MYOT: variants seen among roughly 807,000 people sequenced by gnomAD.
MYOT encodes 57 kDa cytoskeletal protein.
In MYOT, 36 loss-of-function variants were observed where a neutral mutation model predicts 58.0. That is an observed-to-expected ratio of 0.62 (90% confidence interval 0.48 to 0.82). The LOEUF (loss-of-function observed/expected upper bound fraction) is 0.82, where lower values mean the gene tolerates loss of function less well. Ranked by LOEUF, MYOT falls within the 40% of genes least tolerant of loss-of-function variation. The pLI, the probability that MYOT is intolerant of heterozygous loss-of-function variation, is 0.00. For synonymous variants in MYOT, 218 were observed against 204.6 expected (o/e 1.07, Z -0.56); for missense variants, 505 against 592.1 (o/e 0.85, Z 1.53).
chr5:137,874,542 A>G (rs1755150706), intron 2 of MYOT, among the ~76,000 whole-genome samples: 1 of 152,220 alleles, frequency 6.6e-6, no homozygotes, highest in Non-Finnish European at 1.5e-5. Context: ...TAAAAACTGA[A>G]TAAAGCACTG....
At position 137,887,257 on chromosome 5, in the gene MYOT, C is replaced by T; in HGVS notation, c.1369C>T (p.Arg457Ter). The change falls in exon 10 of 10, where the codon CGA becomes TGA. Residue 457 changes from arginine (R) to a stop codon, truncating the protein, a stop_gained. Coordinates refer to ENST00000239926, the MANE Select transcript of MYOT (RefSeq NM_006790.3). LOFTEE classifies it high-confidence loss of function. The stretch of plus-strand genomic sequence containing the variant: ...TCCAGCTCCTAAGCAGTTACGGGTT[C>T]GACCAACATTCAGCAAATATTTAGC... ...TLPAPKQLRV[R>*]PTFSKYLALN... The T allele has an allele frequency of 1.9e-6, 3 of 1,613,988 alleles. No individual in the cohort carries two copies. Among genetic ancestry groups the T allele is most frequent in the Admixed American group, 1.7e-5 (1 of 60,012 alleles).
chr5:137,873,975 G>C (rs1038877252), intron 2 of MYOT, among the ~76,000 whole-genome samples: 2 of 152,132 alleles, frequency 1.3e-5, no homozygotes, highest in Non-Finnish European at 2.9e-5. Flanking sequence ...TAAAACTCTG[G>C]CCCTACTTGG....
At position 137,870,190 on chromosome 5, in the gene MYOT, T is replaced by C. The variant is rs1392740188; in HGVS notation, c.-211-251T>C. 6.6e-5 allele frequency among the ~76,000 whole-genome samples: 10 copies of C among 150,796 alleles called. No homozygotes were observed. In the East Asian group the frequency reaches 7.7e-4, roughly 12 times the overall value. On this transcript the variant is annotated intron_variant, in intron 1 of 9. Transcript: ENST00000239926. ...AATTAGCCAGGCGTGGTGGCTTATA[T>C]GTGTAGTCCTTACTCTGGAGGGTGC...
intron 6 of MYOT, chr5:137,883,107 TA>T (rs1450026922): frequency 7.7e-6 from 3 of 389,186 alleles, no homozygotes; most frequent in Non-Finnish European, 1.4e-5. Context: ...TAACATAAAT[TA>T]ATGTTCTAAA....
intron 5 of MYOT, 122 bp downstream of exon 5, chr5:137,880,987 T>C (rs1337884381): frequency 1.4e-6 from 1 of 731,940 alleles, no homozygotes; most frequent in Non-Finnish European, 2.3e-6. Context: ...ACAATGTGTA[T>C]TTTCTAATGT....
chr5:137,869,796 C>T (rs546429286), intron 1 of MYOT, among the ~76,000 whole-genome samples: 1 of 151,858 alleles, frequency 6.6e-6, no homozygotes, highest in Admixed American at 6.6e-5. Flanking sequence ...CTAAAAATAA[C>T]AGAATTATAA....
intron 2 of MYOT, among the ~76,000 whole-genome samples, chr5:137,871,829 T>A (rs3777122): frequency 0.24 from 36,895 of 151,920 alleles, 5,479 homozygotes; most frequent in African/African-American, 0.42. Flanking sequence ...ATGCAAACTA[T>A]TGGCTATCAG....
chr5:137,883,152 T>G, intron 6 of MYOT: 1 of 507,608 alleles, frequency 2.0e-6, no homozygotes, highest in Non-Finnish European at 3.5e-6. Flanking sequence ...GAGACTGAGG[T>G]TGCATGTAAA....
chr5:137,885,912 T>G (rs1755585372), intron 7 of MYOT, 136 bp from the exon 8 acceptor site: 2 of 606,416 alleles, frequency 3.3e-6, no homozygotes, highest in East Asian at 5.7e-5. Flanking sequence ...CTGCATGTCT[T>G]TTTTACTGAG....
chr5:137,881,551 C>G (rs1755430144), intron 5 of MYOT, among the ~76,000 whole-genome samples: 1 of 152,138 alleles, frequency 6.6e-6, no homozygotes, highest in Non-Finnish European at 1.5e-5. Flanking sequence ...GTAATCCCAG[C>G]TACTCGGGAG....
intron 2 of MYOT, among the ~76,000 whole-genome samples, chr5:137,873,200 T>C (rs1689534460): frequency 6.7e-6 from 1 of 149,274 alleles, no homozygotes; most frequent in South Asian, 2.2e-4. Flanking sequence ...GTGTGACTTA[T>C]AAAGATGATA....
At chr5:137,868,307 G>A (rs1754934796) in intron 1 of MYOT, among the ~76,000 whole-genome samples, 1 of 152,090 alleles carries the variant, frequency 6.6e-6, no homozygotes, top group African/African-American at 2.4e-5. Context: ...GGAAAAAAAT[G>A]TTAAGATTTT....
intron 4 of MYOT, among the ~76,000 whole-genome samples, chr5:137,878,958 A>G (rs1033528805): frequency 3.3e-5 from 5 of 152,206 alleles, no homozygotes; most frequent in African/African-American, 1.2e-4. Flanking sequence ...TTAAACCAGG[A>G]ACACAAATAT....
intron 4 of MYOT, among the ~76,000 whole-genome samples, chr5:137,879,957 T>C (rs1260334663): frequency 2.0e-5 from 3 of 152,176 alleles, no homozygotes; most frequent in African/African-American, 7.2e-5. Flanking sequence ...CAAAAATTGT[T>C]ACAGAGTTGT....
chr5:137,869,333 T>G (rs1754967268), intron 1 of MYOT, among the ~76,000 whole-genome samples: 1 of 152,210 alleles, frequency 6.6e-6, no homozygotes, highest in South Asian at 2.1e-4. Flanking sequence ...GAAAACAATT[T>G]ATAGGACTAG....
At chr5:137,883,074 T>C in intron 6 of MYOT, 2 of 334,030 alleles carry the variant, frequency 6.0e-6, no homozygotes, top group South Asian at 5.6e-5. Context: ...CAATGACTTC[T>C]ATATTCCTTA....
At chr5:137,885,075 T>C (rs1305438041) in intron 7 of MYOT, among the ~76,000 whole-genome samples, 1 of 152,148 alleles carries the variant, frequency 6.6e-6, no homozygotes, top group Non-Finnish European at 1.5e-5. Context: ...ACTACAATAG[T>C]AGAGCTGAAA....
Position 137,887,008 on chromosome 5 carries a change from C to G in MYOT, c.1324+11C>G, listed in dbSNP as rs773002668. On this transcript the variant is annotated intron_variant, in intron 9 of 9. Coordinates refer to ENST00000239926, the MANE Select transcript of MYOT (RefSeq NM_006790.3). ...GATTAGACGTTACGGGTATGTCATA[C>G]TATTAACCAAAGTATTATAAGGGAT... The G allele has an allele frequency of 7.6e-5, 122 of 1,611,162 alleles. No homozygotes were observed. The highest frequency in any genetic ancestry group is 5.9e-5 in the Non-Finnish European group (69 of 1,177,548).
At chr5:137,880,541 G>A (rs1257630647) in intron 4 of MYOT, 5 of 368,618 alleles carry the variant, frequency 1.4e-5, no homozygotes, top group African/African-American at 2.1e-5. Context: ...TCATAAAATA[G>A]TCATCTGAAA....
Sources: allele counts gnomAD v4.1 joint callset (sites outside exome capture counted in the v4.1 genomes callset), GRCh38; gene constraint gnomAD v4.1.1; transcripts MANE v1.5; gene names NCBI Gene and HGNC (gene_info 2026-07-23, HGNC 2026-07-21).